FHIT: variants seen among roughly 807,000 people sequenced by gnomAD.
The protein encoded by FHIT is fragile histidine triad diadenosine triphosphatase, also known as bis(5'-adenosyl)-triphosphatase.
FHIT carries 19 observed loss-of-function variants against 17.9 expected under a neutral mutation model. The observed-to-expected ratio is 1.06, with a 90% CI of 0.74 to 1.56. The LOEUF (loss-of-function observed/expected upper bound fraction) is 1.56. FHIT is among the 40% of genes most tolerant of loss of function. The probability of loss-of-function intolerance (pLI) is 0.00; values close to 1 mark genes in which losing one functional copy is unlikely to be tolerated. For synonymous variants in FHIT, 81 were observed against 69.7 expected, an observed-to-expected ratio of 1.16 and a Z score of -0.81; for missense variants, 248 against 189.2, an observed-to-expected ratio of 1.31 and a Z score of -1.82.
At chr3:60,899,008 T>C (rs1705969051) in intron 3 of FHIT, among the ~76,000 whole-genome samples, 1 of 152,216 alleles carries the variant, frequency 6.6e-6, no homozygotes, top group South Asian at 2.1e-4. Flanking sequence ...TGCTTTTAAT[T>C]GAAAAACAAT....
At chr3:60,516,786 A>G (rs2107555328) in intron 5 of FHIT, among the ~76,000 whole-genome samples, 1 of 152,354 alleles carries the variant, frequency 6.6e-6, no homozygotes, top group East Asian at 1.9e-4. Flanking sequence ...ACGTCTCTGT[A>G]CTGAATTGTA....
intron 5 of FHIT, among the ~76,000 whole-genome samples, chr3:60,493,220 C>T (rs1168645023): frequency 6.6e-6 from 1 of 152,110 alleles, no homozygotes; most frequent in Non-Finnish European, 1.5e-5. Flanking sequence ...CACACAAGGA[C>T]AAAAAGTGCC....
At chr3:60,258,704 T>C (rs912182616) in intron 5 of FHIT, among the ~76,000 whole-genome samples, 3 of 152,136 alleles carry the variant, frequency 2.0e-5, no homozygotes, top group South Asian at 2.1e-4. Flanking sequence ...GGAGCCTTCA[T>C]AGGAAAATGA....
chr3:59,804,661 A>C lies in FHIT; in HGVS notation c.349-52340T>G, dbSNP rs539089389. 1.9e-4 allele frequency among the ~76,000 whole-genome samples: 29 copies of C among 152,306 alleles called. No homozygotes were observed. In the East Asian group the frequency reaches 5.4e-3, roughly 28 times the overall value. On this transcript the variant is annotated intron_variant, in intron 8 of 9. Transcript: ENST00000492590. ...ATGAAGTAAAGTTATGAAGTCATTTACTTGGCGTATGCCCTATGGAGAGGA... is the reference window on the plus strand; with the variant it reads ...ATGAAGTAAAGTTATGAAGTCATTTCCTTGGCGTATGCCCTATGGAGAGGA...
At chr3:60,659,735 C>G (rs2040196853) in intron 4 of FHIT, among the ~76,000 whole-genome samples, 2 of 152,038 alleles carry the variant, frequency 1.3e-5, no homozygotes, top group South Asian at 2.1e-4. Flanking sequence ...GTTTTAGACT[C>G]TTTGTCTAGT....
chr3:60,482,518 GAAAC>G, intron 5 of FHIT, among the ~76,000 whole-genome samples: 1 of 152,146 alleles, frequency 6.6e-6, no homozygotes, highest in Non-Finnish European at 1.5e-5. Context: ...TCATGATTAA[GAAAC>G]TCACTCAAAA....
At chr3:60,397,079 C>T (rs1356964129) in intron 5 of FHIT, among the ~76,000 whole-genome samples, 1 of 152,118 alleles carries the variant, frequency 6.6e-6, no homozygotes, top group Non-Finnish European at 1.5e-5. Context: ...ATGTAAACTA[C>T]ATAGAAAATG....
chr3:60,130,784 G>GTATATACACACATATGTGTGTGTGT lies in FHIT; in HGVS notation c.104-116633_104-116632insACACACACACATATGTGTGTATATA, dbSNP rs148356992. The stretch of plus-strand genomic sequence containing the variant: ...TGTGTGTTTGTGTGTGTGTGTGTGT[G>GTATATACACACATATGTGTGTGTGT]GTGTGTATATACACACATATATATG... On this transcript the variant is annotated intron_variant, in intron 5 of 9. Coordinates refer to ENST00000492590, the MANE Select transcript of FHIT (RefSeq NM_002012.4). 2.4e-3 allele frequency among the ~76,000 whole-genome samples: 269 copies of GTATATACACACATATGTGTGTGTGT among 111,720 alleles called. 2 individuals are homozygous for GTATATACACACATATGTGTGTGTGT. Among genetic ancestry groups the GTATATACACACATATGTGTGTGTGT allele is most frequent in the African/African-American group, 7.2e-3 (245 of 33,878 alleles). 73.3% of individuals were successfully genotyped at this position (111,720 alleles called of 152,430 possible).
At chr3:59,816,432 C>T (rs1575541933) in intron 8 of FHIT, among the ~76,000 whole-genome samples, 1 of 152,136 alleles carries the variant, frequency 6.6e-6, no homozygotes, top group Non-Finnish European at 1.5e-5. Context: ...TCTTCCTTGG[C>T]ATGATTGGAG....
intron 8 of FHIT, among the ~76,000 whole-genome samples, chr3:59,767,580 G>A (rs1701867357): frequency 6.6e-6 from 1 of 152,138 alleles, no homozygotes; most frequent in South Asian, 2.1e-4. Context: ...CTCCCGGAAA[G>A]TGGAAACATC....
At chr3:60,575,542 T>C (rs1576910053) in intron 4 of FHIT, among the ~76,000 whole-genome samples, 1 of 152,242 alleles carries the variant, frequency 6.6e-6, no homozygotes, top group East Asian at 1.9e-4. Flanking sequence ...ATAGTTATTT[T>C]AATCAAATAA....
At chr3:59,898,292 T>A (rs975037798) in intron 8 of FHIT, among the ~76,000 whole-genome samples, 1 of 152,228 alleles carries the variant, frequency 6.6e-6, no homozygotes, top group Non-Finnish European at 1.5e-5. Context: ...TATCTCACTA[T>A]GTATACGCAA....
intron 4 of FHIT, among the ~76,000 whole-genome samples, chr3:60,768,515 G>A (rs375702325): frequency 1.3e-5 from 2 of 152,196 alleles, no homozygotes; most frequent in East Asian, 1.9e-4. Context: ...GACCAATAAG[G>A]ACTTCACCAG....
chr3:59,815,651 CTG>C (rs1416800874), intron 8 of FHIT, among the ~76,000 whole-genome samples: 2 of 152,200 alleles, frequency 1.3e-5, no homozygotes, highest in African/African-American at 2.4e-5. Flanking sequence ...AAACCGAACA[CTG>C]TATGTCCTCA....
intron 7 of FHIT, among the ~76,000 whole-genome samples, chr3:59,948,544 T>TAAAA (rs559783384): frequency 3.0e-4 from 45 of 151,538 alleles, no homozygotes; most frequent in Admixed American, 5.9e-4. Flanking sequence ...AAAAAATAAA[T>TAAAA]AAATAAAAAA....
intron 5 of FHIT, among the ~76,000 whole-genome samples, chr3:60,206,156 A>T (rs1703172089): frequency 7.8e-5 from 11 of 140,608 alleles, no homozygotes; most frequent in African/African-American, 2.2e-4. Context: ...AATAAATAAT[A>T]ATAATAATAA....
intron 5 of FHIT, among the ~76,000 whole-genome samples, chr3:60,126,566 C>G (rs1705560962): frequency 1.3e-5 from 2 of 152,184 alleles, no homozygotes; most frequent in Non-Finnish European, 2.9e-5. Flanking sequence ...ATCATCATCT[C>G]TGTTTTTCAA....
intron 5 of FHIT, among the ~76,000 whole-genome samples, chr3:60,278,511 T>C (rs1217461674): frequency 2.0e-5 from 3 of 152,122 alleles, no homozygotes; most frequent in Non-Finnish European, 4.4e-5. Flanking sequence ...TTATCCTTCC[T>C]GAGACCTCAT....
At chr3:60,615,828 G>A (rs1576976963) in intron 4 of FHIT, among the ~76,000 whole-genome samples, 2 of 152,208 alleles carry the variant, frequency 1.3e-5, no homozygotes, top group East Asian at 3.8e-4. Flanking sequence ...TTGCAAAGCT[G>A]ATGGCAAGAA....
Sources: gnomAD v4.1 joint callset for allele counts (sites outside exome capture counted in the v4.1 genomes callset) on GRCh38, gnomAD v4.1.1 for gene constraint, MANE v1.5 for transcripts, NCBI Gene and HGNC (gene_info 2026-07-23, HGNC 2026-07-21) for gene names.